PIEZO2: variants seen among roughly 807,000 people sequenced by gnomAD.
PIEZO2 encodes piezo-type mechanosensitive ion channel component 2.
In PIEZO2, 172 loss-of-function variants were observed where a neutral mutation model predicts 337.3. The observed-to-expected ratio is 0.51, with a 90% CI of 0.45 to 0.58. The LOEUF (loss-of-function observed/expected upper bound fraction) is 0.58. Among genes scored for constraint, PIEZO2 ranks in the 20% least tolerant of loss-of-function variants. The probability of loss-of-function intolerance (pLI) is 0.00; values close to 1 mark genes in which losing one functional copy is unlikely to be tolerated. For missense variants in PIEZO2, 3,028 were observed against 3,391.3 expected (o/e 0.89, Z 2.66); for synonymous variants, 1,251 against 1,228.5 (o/e 1.02, Z -0.38).
Position 10,676,810 on chromosome 18 carries a change from C to A in PIEZO2, c.8081+937G>T, listed in dbSNP as rs1365198745. On this transcript the variant is annotated intron_variant, in intron 53 of 55. Transcript: ENST00000674853. This position sits in a 1 kb window ranked among gnomAD's most constrained non-coding sequence, Gnocchi z 5.1. ...GGTGAACGAGTGAAGTGGGTACCCACGATCGGGTGGCAGACATGAATGACA... is the reference window on the plus strand; with the variant it reads ...GGTGAACGAGTGAAGTGGGTACCCAAGATCGGGTGGCAGACATGAATGACA... Among the ~76,000 whole-genome samples the A allele has an allele frequency of 6.6e-6, 1 of 152,322 alleles. No homozygotes were observed. The highest frequency in any genetic ancestry group is 1.9e-4 in the East Asian group (1 of 5,178).
intron 1 of PIEZO2, among the ~76,000 whole-genome samples, chr18:11,108,417 C>T (rs1027503123): frequency 4.0e-5 from 6 of 151,638 alleles, no homozygotes; most frequent in South Asian, 2.1e-4. Context: ...AGATCGAGAC[C>T]ATCCTGGCTA....
intron 36 of PIEZO2, among the ~76,000 whole-genome samples, chr18:10,723,476 T>C (rs964165137): frequency 2.0e-5 from 3 of 151,910 alleles, no homozygotes; most frequent in African/African-American, 7.3e-5. Context: ...TGGAGGGAGA[T>C]GTAGTGGGGC....
At chr18:10,749,189 G>A (rs756046589) in intron 29 of PIEZO2, among the ~76,000 whole-genome samples, 13 of 152,146 alleles carry the variant, frequency 8.5e-5, no homozygotes, top group Non-Finnish European at 1.6e-4. Flanking sequence ...ACTGGGTGTG[G>A]TGGTTCATGC....
chr18:10,803,960 G>A lies in PIEZO2; in HGVS notation c.1115C>T (p.Ala372Val), dbSNP rs1446591312. ...QDEGTKEEDK[A>V]LACSPIQITA... ...TATTTGGATGGGGCTACAAGCCAGG[G>A]CTTTGTCCTCTTCTTTGGTCCCCTC... Residue 372 changes from alanine (A) to valine (V), a missense_variant, in exon 9 of 56, where the codon GCC becomes GTC. Physicochemically the swap from Ala to Val is moderately conservative, Grantham distance 64. Coordinates refer to ENST00000674853, the MANE Select transcript of PIEZO2 (RefSeq NM_001378183.1). 1.3e-6 allele frequency: 2 copies of A among 1,537,210 alleles called. No individual in the cohort carries two copies. Among genetic ancestry groups the A allele is most frequent in the Admixed American group, 3.9e-5 (2 of 50,980 alleles).
At chr18:10,927,597 C>A (rs2031825595) in intron 3 of PIEZO2, among the ~76,000 whole-genome samples, 1 of 152,150 alleles carries the variant, frequency 6.6e-6, no homozygotes, top group Non-Finnish European at 1.5e-5. Context: ...AAATTTGAAC[C>A]AGTTGAAAAG....
intron 7 of PIEZO2, among the ~76,000 whole-genome samples, chr18:10,839,269 C>G (rs1388679641): frequency 6.6e-6 from 1 of 152,186 alleles, no homozygotes; most frequent in Non-Finnish European, 1.5e-5. Flanking sequence ...TACCAGAAAA[C>G]TCTAAAGAAA....
In PIEZO2 at chr18:10,777,002, C is replaced by T. The variant is rs1044818945; in HGVS notation, c.2535-2964G>A. The stretch of plus-strand genomic sequence containing the variant: ...ATAATTCTTTACTGAATATCAGGTG[C>T]AAATTACCTAGTGGTCATATGCAGG... On this transcript the variant is annotated intron_variant, in intron 18 of 55. Coordinates refer to ENST00000674853, the MANE Select transcript of PIEZO2 (RefSeq NM_001378183.1). 1.2e-3 allele frequency among the ~76,000 whole-genome samples: 187 copies of T among 152,240 alleles called. 3 individuals carry two copies. Among genetic ancestry groups the T allele is most frequent in the African/African-American group, 4.3e-3 (178 of 41,542 alleles).
chr18:10,885,319 G>A (rs1204034949), intron 4 of PIEZO2, among the ~76,000 whole-genome samples: 1 of 152,164 alleles, frequency 6.6e-6, no homozygotes. Flanking sequence ...AGCTACTCAG[G>A]AGGCTGAGGC....
chr18:11,145,497 T>C (rs569503830), intron 1 of PIEZO2, among the ~76,000 whole-genome samples: 1 of 152,330 alleles, frequency 6.6e-6, no homozygotes, highest in Admixed American at 6.5e-5. Context: ...AAGGAAAATA[T>C]GTAAGCTTCT....
intron 2 of PIEZO2, among the ~76,000 whole-genome samples, chr18:11,010,313 A>G (rs142352579): frequency 6.6e-6 from 1 of 152,330 alleles, no homozygotes; most frequent in Non-Finnish European, 1.5e-5. Context: ...AAATAGCACC[A>G]TCCAAAATGC....
rs994886436 is a variant in PIEZO2 at position 11,035,390 on chromosome 18, T to C, written c.160+30737A>G. Among the ~76,000 whole-genome samples the C allele has an allele frequency of 1.3e-5, 2 of 152,028 alleles. No homozygotes were observed. The highest frequency in any genetic ancestry group is 2.9e-5 in the Non-Finnish European group (2 of 68,008). Reference sequence around the variant, plus strand: ...GCAACAGGCTTGCCCCCTCCTTGCCTTCCACAATGAGTAAAAGCTTCCTGA... The same window carrying C: ...GCAACAGGCTTGCCCCCTCCTTGCCCTCCACAATGAGTAAAAGCTTCCTGA... On this transcript the variant is annotated intron_variant, in intron 2 of 55. Coordinates refer to ENST00000674853, the MANE Select transcript of PIEZO2 (RefSeq NM_001378183.1). This position sits in a 1 kb window ranked among gnomAD's most constrained non-coding sequence, Gnocchi z 4.3.
At position 10,898,420 on chromosome 18, in the gene PIEZO2, C is replaced by CA. The variant is rs564582313; in HGVS notation, c.329+12765dup. Among the ~76,000 whole-genome samples the CA allele has an allele frequency of 2.1e-3, 287 of 134,754 alleles. 1 individual carries two copies. Among genetic ancestry groups the CA allele is most frequent in the East Asian group, 4.8e-3 (23 of 4,744 alleles). The allele number at this position is 134,754 out of a possible 152,430, so 88.4% of individuals were successfully genotyped here. On this transcript the variant is annotated intron_variant, in intron 4 of 55. Coordinates refer to ENST00000674853, the MANE Select transcript of PIEZO2 (RefSeq NM_001378183.1). The stretch of plus-strand genomic sequence containing the variant: ...TGGGCGACAGAGCGAGACTCCGTCT[C>CA]AAAAAAAAAAAGGAAATAGGAGAAA...
At position 11,001,403 on chromosome 18, in the gene PIEZO2, A is replaced by T. The variant is rs1053460915; in HGVS notation, c.161-21743T>A. Among the ~76,000 whole-genome samples, 3 of 152,152 alleles carry T rather than the reference A, an allele frequency of 2.0e-5. No homozygotes were observed. Among genetic ancestry groups the T allele is most frequent in the African/African-American group, 7.2e-5 (3 of 41,434 alleles). On this transcript the variant is annotated intron_variant, in intron 2 of 55. Coordinates refer to ENST00000674853, the MANE Select transcript of PIEZO2 (RefSeq NM_001378183.1). The surrounding 1 kb of genome is among the most constrained non-coding windows in gnomAD (Gnocchi z 5.3). Reference sequence around the variant, plus strand: ...CGAAGCAAACCAGTCACCCTGAGGCACAGTGAGAGTGCAAGTTCTTTCTGC... The same window carrying T: ...CGAAGCAAACCAGTCACCCTGAGGCTCAGTGAGAGTGCAAGTTCTTTCTGC...
At chr18:10,689,589 CAT>C in intron 49 of PIEZO2, 64 bp downstream of exon 49, 1 of 1,604,514 alleles carries the variant, frequency 6.2e-7, no homozygotes, top group Non-Finnish European at 8.5e-7. Flanking sequence ...AGTTCACATT[CAT>C]CTTATAACCA....
rs2038255206 is a variant in PIEZO2 at position 11,069,221 on chromosome 18, A to G, written c.65-2999T>C. ...GATACCAAAACCAGACAAGGATAAT[A>G]CAAGGAAAGAAAATTACAGGCCAGT... On this transcript the variant is annotated intron_variant, in intron 1 of 55. Coordinates refer to ENST00000674853, the MANE Select transcript of PIEZO2 (RefSeq NM_001378183.1). This position sits in a 1 kb window ranked among gnomAD's most constrained non-coding sequence, Gnocchi z 4.9. Among the ~76,000 whole-genome samples the G allele has an allele frequency of 1.3e-5, 2 of 152,204 alleles. No individual in the cohort carries two copies. The highest frequency in any genetic ancestry group is 2.9e-5 in the Non-Finnish European group (2 of 68,032).
At chr18:10,935,432 T>C (rs2032338974) in intron 3 of PIEZO2, among the ~76,000 whole-genome samples, 1 of 152,188 alleles carries the variant, frequency 6.6e-6, no homozygotes, top group African/African-American at 2.4e-5. Flanking sequence ...AGGTAGATTT[T>C]GTTCCCTTTA....
chr18:11,065,091 C>T (rs1447528531), intron 2 of PIEZO2, among the ~76,000 whole-genome samples: 2 of 152,178 alleles, frequency 1.3e-5, no homozygotes, highest in Non-Finnish European at 2.9e-5. Flanking sequence ...GGAAAATCAA[C>T]ATGCCATCTG....
intron 18 of PIEZO2, among the ~76,000 whole-genome samples, chr18:10,777,576 G>C (rs186716887): frequency 6.6e-6 from 1 of 152,232 alleles, no homozygotes; most frequent in East Asian, 1.9e-4. Flanking sequence ...GCTCAAAGAG[G>C]GTTAATTCTG....
chr18:10,722,461 A>G (rs1043278799), intron 36 of PIEZO2, among the ~76,000 whole-genome samples: 1 of 150,984 alleles, frequency 6.6e-6, no homozygotes, highest in Non-Finnish European at 1.5e-5. Context: ...CGAACTCCTG[A>G]TCTCGTAATC....
Sources: allele counts gnomAD v4.1 joint callset (sites outside exome capture counted in the v4.1 genomes callset), GRCh38; gene constraint gnomAD v4.1.1; non-coding constraint Gnocchi (gnomAD v3.1); transcripts MANE v1.5; gene names NCBI Gene and HGNC (gene_info 2026-07-23, HGNC 2026-07-21).